Variants in FAM184A observed in about 807,000 individuals in gnomAD.
The protein encoded by FAM184A is family with sequence similarity 184 member A.
In FAM184A, 99 loss-of-function variants were observed where a neutral mutation model predicts 143.8. The ratio of observed to expected loss-of-function variants is 0.69; its 90% CI spans 0.58 to 0.81. FAM184A has a LOEUF of 0.81. FAM184A is among the 40% of genes least tolerant of loss of function. The pLI is 0.00. For missense variants in FAM184A, 1,217 were observed against 1,310.5 expected, an observed-to-expected ratio of 0.93 and a Z score of 1.10; for synonymous variants, 427 against 446.4, an observed-to-expected ratio of 0.96 and a Z score of 0.55.
At chr6:119,124,523 G>T (rs1257397421) in intron 1 of FAM184A, among the ~76,000 whole-genome samples, 2 of 151,882 alleles carry the variant, frequency 1.3e-5, no homozygotes, top group Non-Finnish European at 2.9e-5. Flanking sequence ...TTTACCTGGG[G>T]GTGTAAAAGC....
At chr6:119,122,056 A>G (rs989091026) in intron 1 of FAM184A, among the ~76,000 whole-genome samples, 5 of 152,208 alleles carry the variant, frequency 3.3e-5, no homozygotes, top group Admixed American at 2.6e-4. Context: ...GGCAGGAGCC[A>G]CCATGACCAG....
At chr6:119,079,424 G>A (rs1787997061), upstream of FAM184A, among the ~76,000 whole-genome samples, 1 of 152,222 alleles carries the variant, frequency 6.6e-6, no homozygotes. Context: ...CAAGACATCA[G>A]TGCTTTAAGG....
chr6:119,106,114 C>T (rs937351663), intron 1 of FAM184A, among the ~76,000 whole-genome samples: 2 of 152,122 alleles, frequency 1.3e-5, no homozygotes, highest in East Asian at 1.9e-4. Context: ...AAACTGATGC[C>T]GGGCGCAGTG....
At chr6:118,984,918 A>G (rs546559282) in intron 9 of FAM184A, among the ~76,000 whole-genome samples, 1 of 152,316 alleles carries the variant, frequency 6.6e-6, no homozygotes, top group East Asian at 1.9e-4. Flanking sequence ...ATTCCTATTT[A>G]TCAAAGTAAA....
chr6:119,022,165 C>A (rs1785470390), intron 3 of FAM184A, among the ~76,000 whole-genome samples: 1 of 141,894 alleles, frequency 7.0e-6, no homozygotes, highest in Admixed American at 7.7e-5. Flanking sequence ...TCAAGTAATT[C>A]TCATGCCTCA....
At chr6:119,119,771 G>C (rs1271058088) in intron 1 of FAM184A, among the ~76,000 whole-genome samples, 2 of 152,038 alleles carry the variant, frequency 1.3e-5, no homozygotes, top group Non-Finnish European at 2.9e-5. Flanking sequence ...AGGAGTTCAA[G>C]ACTGGCCTGA....
chr6:119,044,262 C>T (rs1786447415), intron 1 of FAM184A, among the ~76,000 whole-genome samples: 1 of 152,038 alleles, frequency 6.6e-6, no homozygotes, highest in Admixed American at 6.6e-5. Context: ...TTTTAATCTA[C>T]AAAATCTCAA....
chr6:119,034,250 ACT>A (rs1786024617), intron 1 of FAM184A, among the ~76,000 whole-genome samples: 1 of 151,180 alleles, frequency 6.6e-6, no homozygotes, highest in Non-Finnish European at 1.5e-5. Context: ...AAAATCCCAA[ACT>A]CTTTCACCAC....
At chr6:118,967,429 A>G (rs562663052) in intron 14 of FAM184A, among the ~76,000 whole-genome samples, 6 of 152,240 alleles carry the variant, frequency 3.9e-5, no homozygotes, top group African/African-American at 7.2e-5. Flanking sequence ...CAAAGGACAC[A>G]CATGTATGAC....
intron 9 of FAM184A, among the ~76,000 whole-genome samples, chr6:118,982,409 A>G (rs1271069031): frequency 1.3e-5 from 2 of 152,170 alleles, no homozygotes; most frequent in Non-Finnish European, 2.9e-5. Flanking sequence ...GTTGAAATGT[A>G]TACGGGAAAG....
At chr6:119,126,929 A>G (rs1004871644) in intron 1 of FAM184A, among the ~76,000 whole-genome samples, 1 of 152,192 alleles carries the variant, frequency 6.6e-6, no homozygotes, top group African/African-American at 2.4e-5. Context: ...CTGAAGTCCC[A>G]TCATCAAGCC....
At chr6:119,122,902 G>A (rs552577738) in intron 1 of FAM184A, among the ~76,000 whole-genome samples, 11 of 104,852 alleles carry the variant, frequency 1.0e-4, no homozygotes, top group Admixed American at 2.8e-4. Context: ...TCCAGCCTGA[G>A]CAACGGAGGA....
At chr6:119,045,199 C>T (rs1786479559) in intron 1 of FAM184A, among the ~76,000 whole-genome samples, 1 of 151,896 alleles carries the variant, frequency 6.6e-6, no homozygotes, top group Non-Finnish European at 1.5e-5. Context: ...ATCAAAGAAG[C>T]TGGGAAACCT....
At chr6:119,058,950 TTTTTATTTTATATTTATTA>T (rs1165470618) in intron 1 of FAM184A, among the ~76,000 whole-genome samples, 3 of 151,818 alleles carry the variant, frequency 2.0e-5, no homozygotes, top group Non-Finnish European at 4.4e-5. Context: ...GGTTATTTTA[TTTTTATTTTATATTTATTA>T]TTTTATTTTA....
intron 1 of FAM184A, among the ~76,000 whole-genome samples, chr6:119,038,154 T>C (rs1326206930): frequency 6.6e-6 from 1 of 151,962 alleles, no homozygotes; most frequent in Non-Finnish European, 1.5e-5. Context: ...CCCCCAGCTG[T>C]CACCTGAATC....
chr6:118,965,636 C>G (rs1048043313), intron 15 of FAM184A, among the ~76,000 whole-genome samples: 1 of 152,128 alleles, frequency 6.6e-6, no homozygotes, highest in African/African-American at 2.4e-5. Flanking sequence ...CACTGTCATT[C>G]AAATCACTAA....
chr6:119,065,395 C>T (rs1163174317), intron 1 of FAM184A, among the ~76,000 whole-genome samples: 2 of 152,134 alleles, frequency 1.3e-5, no homozygotes, highest in Admixed American at 6.5e-5. Context: ...CATGAGAAGC[C>T]GAGCCAGAAC....
At chr6:119,093,983 T>C (rs1402782662) in intron 1 of FAM184A, among the ~76,000 whole-genome samples, 4 of 150,796 alleles carry the variant, frequency 2.7e-5, no homozygotes, top group Non-Finnish European at 5.9e-5. Context: ...CCTTCCTTCC[T>C]TCCTCCCTCC....
chr6:118,967,443 AT>A (rs1287628072), intron 14 of FAM184A, among the ~76,000 whole-genome samples: 1 of 152,206 alleles, frequency 6.6e-6, no homozygotes, highest in Non-Finnish European at 1.5e-5. Context: ...GTATGACGTC[AT>A]TTTTTCCTGG....
Sources: gnomAD v4.1 joint callset for allele counts (sites outside exome capture counted in the v4.1 genomes callset) on GRCh38, gnomAD v4.1.1 for gene constraint, MANE v1.5 for transcripts, NCBI Gene and HGNC (gene_info 2026-07-23, HGNC 2026-07-21) for gene names.